Variants in ARL2BP observed in about 807,000 individuals in gnomAD.
ARL2BP encodes ARF like GTPase 2 binding protein, also known as ADP-ribosylation factor-like protein 2-binding protein.
In ARL2BP, 19 loss-of-function variants were observed where a neutral mutation model predicts 24.2. The observed-to-expected ratio is 0.79, with a 90% CI of 0.55 to 1.15. The LOEUF (loss-of-function observed/expected upper bound fraction) is 1.15, where lower values mean the gene tolerates loss of function less well. Ranked by LOEUF, ARL2BP falls within the 50% of genes most tolerant of loss-of-function variation. ARL2BP has a pLI of 0.00. For synonymous variants in ARL2BP, 56 were observed against 70.5 expected (o/e 0.79, Z 1.03); for missense variants, 160 against 190.4 (o/e 0.84, Z 0.94).
Position 57,252,344 on chromosome 16 carries a change from C to T in ARL2BP, c.*77C>T, listed in dbSNP as rs1299281252. On this transcript the variant is annotated 3_prime_UTR_variant, in exon 6 of 6. Coordinates refer to ENST00000219204, the MANE Select transcript of ARL2BP (RefSeq NM_012106.4). ...AGGCTCAGCTCATGATGACAGAACA[C>T]ATCTTGGAAAGACTGACTCTGTTAT... The T allele has an allele frequency of 1.9e-6, 3 of 1,611,232 alleles. No individual in the cohort carries two copies. The highest frequency in any genetic ancestry group is 1.7e-5 in the Admixed American group (1 of 59,720).
intron 3 of ARL2BP, 81 bp from the exon 4 acceptor site, chr16:57,249,686 G>A: frequency 8.6e-7 from 1 of 1,162,728 alleles, no homozygotes; most frequent in Non-Finnish European, 1.3e-6. Context: ...GAAATGTTTA[G>A]AAAGGGCTGG....
chr16:57,249,276 A>T (rs1358350627), intron 3 of ARL2BP: 1 of 154,568 alleles, frequency 6.5e-6, no homozygotes, highest in African/African-American at 2.4e-5. Flanking sequence ...GGGTCTCTAC[A>T]CTTTACCCTG....
intron 2 of ARL2BP, 125 bp downstream of exon 2, chr16:57,246,266 TGTAATACTTAA>T: frequency 1.1e-6 from 1 of 901,936 alleles, no homozygotes; most frequent in Non-Finnish European, 1.8e-6. Context: ...TGTAGCACAA[TGTAATACTTAA>T]GTAAAGGCTT....
At position 57,253,557 on chromosome 16, in the gene ARL2BP, T is replaced by C. The variant is rs2075415374; in HGVS notation, c.*1290T>C. 1 of 152,206 alleles carries C rather than the reference T, an allele frequency of 6.6e-6. No individual in the cohort carries two copies. The highest frequency in any genetic ancestry group is 1.5e-5 in the Non-Finnish European group (1 of 68,030). 9.4% of individuals were successfully genotyped at this position (152,206 alleles called of 1,614,324 possible). On this transcript the variant is annotated 3_prime_UTR_variant, in exon 6 of 6. Coordinates refer to ENST00000219204, the MANE Select transcript of ARL2BP (RefSeq NM_012106.4). ...GGACAAGCTACAAGCTCTGTGTTTC[T>C]GTACTGATGTGTCACTTATTAAATA...
chr16:57,246,408 G>A (rs1472472663), intron 2 of ARL2BP: 10 of 389,386 alleles, frequency 2.6e-5, no homozygotes, highest in East Asian at 1.3e-4. Flanking sequence ...GGCGTTCTTC[G>A]CAAAACTATA....
At chr16:57,248,286 C>T in intron 2 of ARL2BP, 1 of 194,368 alleles carries the variant, frequency 5.1e-6, no homozygotes, top group South Asian at 1.1e-4. Context: ...GCACTCCAGC[C>T]TGGGCAACAA....
intron 1 of ARL2BP, chr16:57,245,724 C>G (rs1216993988): frequency 7.7e-6 from 4 of 518,866 alleles, no homozygotes; most frequent in Non-Finnish European, 1.4e-5. Flanking sequence ...TCCACCCCTC[C>G]CTGGCCCCCG....
intron 1 of ARL2BP, chr16:57,245,772 G>A (rs1348207848): frequency 7.9e-6 from 4 of 505,932 alleles, no homozygotes; most frequent in Non-Finnish European, 1.4e-5. Flanking sequence ...CCCCCGGCAG[G>A]TGTTTCGCCC....
At chr16:57,249,729 A>G (rs1340459758) in intron 3 of ARL2BP, 38 bp from the exon 4 acceptor site, 3 of 1,557,312 alleles carry the variant, frequency 1.9e-6, no homozygotes, top group East Asian at 2.2e-5. Context: ...TTGTTTTCCC[A>G]AAGTATGGTC....
chr16:57,252,196 A>G lies in ARL2BP; in HGVS notation c.421A>G (p.Ser141Gly). ...EKEGRGLDLS[S>G]GLVVTSLCKS... ...AGAAGGCCGAGGACTGGACTTAAGCAGTGGCTTAGTGGTGACTTCATTGTG... is the reference window on the plus strand; with the variant it reads ...AGAAGGCCGAGGACTGGACTTAAGCGGTGGCTTAGTGGTGACTTCATTGTG... Residue 141 changes from serine (S) to glycine (G), a missense_variant, in exon 6 of 6, where the codon AGT becomes GGT. Transcript: ENST00000219204. 6.2e-7 allele frequency: 1 copy of G among 1,614,176 alleles called. No individual in the cohort carries two copies. The highest frequency in any genetic ancestry group is 8.5e-7 in the Non-Finnish European group (1 of 1,180,034).
At position 57,253,522 on chromosome 16, in the gene ARL2BP, T is replaced by C. The variant is rs1460819347; in HGVS notation, c.*1255T>C. On this transcript the variant is annotated 3_prime_UTR_variant, in exon 6 of 6. Transcript: ENST00000219204. ...GTACTGACTTTTCACTTGGCCATTCTGGTTTTAAAGGACAAGCTACAAGCT... is the reference window on the plus strand; with the variant it reads ...GTACTGACTTTTCACTTGGCCATTCCGGTTTTAAAGGACAAGCTACAAGCT... The C allele has an allele frequency of 6.6e-6, 1 of 152,174 alleles. No individual in the cohort carries two copies. The highest frequency in any genetic ancestry group is 2.4e-5 in the African/African-American group (1 of 41,444). The allele number at this position is 152,174 out of a possible 1,614,324, so 9.4% of individuals were successfully genotyped here.
intron 1 of ARL2BP, chr16:57,245,859 G>A: frequency 1.7e-6 from 1 of 590,924 alleles, no homozygotes; most frequent in Non-Finnish European, 3.0e-6. Context: ...TTATTAAAGT[G>A]GAGTCATGAC....
At chr16:57,248,412 C>A in intron 2 of ARL2BP, 125 bp from the exon 3 acceptor site, 2 of 422,712 alleles carry the variant, frequency 4.7e-6, no homozygotes, top group Non-Finnish European at 8.8e-6. Context: ...CTTAAAACAT[C>A]AGCTTTCCTT....
At chr16:57,250,620 C>A in intron 5 of ARL2BP, 113 bp downstream of exon 5, 2 of 803,316 alleles carry the variant, frequency 2.5e-6, no homozygotes, top group Non-Finnish European at 4.1e-6. Context: ...TTCAAACTGG[C>A]CGATGAGGCA....
intron 5 of ARL2BP, 142 bp from the exon 6 acceptor site, chr16:57,252,024 A>G (rs1341656805): frequency 3.1e-6 from 2 of 653,660 alleles, no homozygotes; most frequent in Non-Finnish European, 5.3e-6. Context: ...GCAGAAATGC[A>G]GAATAACCAA....
In ARL2BP at chr16:57,246,080, C is replaced by A. The variant is rs1567525156; in HGVS notation, c.39C>A (p.Phe13Leu). ...CACCTAATCCAGGCATGTTTTTCAG[C>A]TCCTCCGCCTCTGATGCAGAATTTG... ...ALEGESFALSFSSASDAEFDA... is the reference protein window; with the variant it reads ...ALEGESFALSLSSASDAEFDA... Residue 13 changes from phenylalanine (F) to leucine (L), a missense_variant and splice_region_variant, in exon 2 of 6, where the codon TTC becomes TTA. Transcript: ENST00000219204. 2 of 1,613,952 alleles carry A rather than the reference C, an allele frequency of 1.2e-6. No individual in the cohort carries two copies. The highest frequency in any genetic ancestry group is 1.7e-6 in the Non-Finnish European group (2 of 1,179,952).
At position 57,250,444 on chromosome 16, in the gene ARL2BP, C is replaced by T. The variant is rs750251288; in HGVS notation, c.327C>T (p.Phe109=). The T allele has an allele frequency of 1.4e-5, 23 of 1,614,040 alleles. No homozygotes were observed. Among genetic ancestry groups the T allele is most frequent in the Admixed American group, 1.2e-4 (7 of 59,988 alleles). ...HHKDEVAGDI[F]DMLLTFTDFL... ...AGGATGAAGTGGCTGGTGACATATT[C>T]GACATGCTGCTCACCTTCACAGATT... Residue 109 remains phenylalanine (F), a synonymous_variant, in exon 5 of 6, where the codon TTC becomes TTT. Coordinates refer to ENST00000219204, the MANE Select transcript of ARL2BP (RefSeq NM_012106.4).
rs985077362 is a variant in ARL2BP at position 57,252,224 on chromosome 16, A to G, written c.449A>G (p.Lys150Arg). 5 of 1,614,034 alleles carry G rather than the reference A, an allele frequency of 3.1e-6. No homozygotes were observed. In the African/African-American group the frequency reaches 4.0e-5, roughly 13 times the overall value. Reference protein sequence around the residue: ...SSGLVVTSLCKSSSLPASQNN... With the variant: ...SSGLVVTSLCRSSSLPASQNN... ...GGCTTAGTGGTGACTTCATTGTGCA[A>G]ATCATCTTCTCTGCCAGCTTCCCAG... Residue 150 changes from lysine (K) to arginine (R), a missense_variant, in exon 6 of 6, where the codon AAA becomes AGA. Coordinates refer to ENST00000219204, the MANE Select transcript of ARL2BP (RefSeq NM_012106.4).
In ARL2BP at chr16:57,245,417, C is replaced by G; in HGVS notation, c.38+12C>G. ...TTTGCGCTGTCTTTGTGAGTAGCTC[C>G]TCCAGGGCGCAGGCGACTTGGGGCC... On this transcript the variant is annotated intron_variant, in intron 1 of 5. Transcript: ENST00000219204. The G allele has an allele frequency of 1.9e-6, 3 of 1,604,554 alleles. No homozygotes were observed. Among genetic ancestry groups the G allele is most frequent in the Non-Finnish European group, 2.6e-6 (3 of 1,176,420 alleles).
Sources: gnomAD v4.1 joint callset for allele counts on GRCh38, gnomAD v4.1.1 for gene constraint, MANE v1.5 for transcripts, NCBI Gene and HGNC (gene_info 2026-07-23, HGNC 2026-07-21) for gene names.